Variants in LRP1B observed in about 807,000 individuals in gnomAD.
LRP1B encodes the protein low-density lipoprotein receptor-related protein 1B.
In LRP1B, 217 loss-of-function variants were observed where a neutral mutation model predicts 556.6. The ratio of observed to expected loss-of-function variants is 0.39; its 90% CI spans 0.35 to 0.44. LRP1B has a LOEUF of 0.44. Ranked by LOEUF, LRP1B falls within the 20% of genes least tolerant of loss-of-function variation. The pLI, the probability that LRP1B is intolerant of heterozygous loss-of-function variation, is 1.00. For missense variants in LRP1B, 5,053 were observed against 5,620.8 expected (o/e 0.90, Z 3.23); for synonymous variants, 2,047 against 1,865.8 (o/e 1.10, Z -2.50).
intron 9 of LRP1B, among the ~76,000 whole-genome samples, chr2:141,055,971 T>C (rs933519566): frequency 5.9e-5 from 9 of 151,290 alleles, no homozygotes; most frequent in Admixed American, 1.3e-4. Context: ...GAAAGATGGA[T>C]CAAAGTGAAA....
intron 2 of LRP1B, among the ~76,000 whole-genome samples, chr2:141,483,932 T>A (rs1683019589): frequency 6.6e-6 from 1 of 151,340 alleles, no homozygotes; most frequent in African/African-American, 2.4e-5. Context: ...ACTCTGATGG[T>A]AGTTTCTTTT....
chr2:140,523,642 A>G (rs1690283893), intron 49 of LRP1B, among the ~76,000 whole-genome samples: 1 of 151,940 alleles, frequency 6.6e-6, no homozygotes, highest in Non-Finnish European at 1.5e-5. Context: ...AGACTCTGCA[A>G]AAAAGGCCCC....
chr2:141,805,941 T>C (rs1195083593), intron 2 of LRP1B, among the ~76,000 whole-genome samples: 1 of 152,124 alleles, frequency 6.6e-6, no homozygotes, highest in East Asian at 1.9e-4. Flanking sequence ...TGAGTCATTA[T>C]GCCCAAAACA....
intron 41 of LRP1B, among the ~76,000 whole-genome samples, chr2:140,652,233 T>C (rs1008554835): frequency 1.8e-4 from 28 of 152,128 alleles, no homozygotes; most frequent in Admixed American, 1.8e-3. Context: ...TTTCAAATAT[T>C]GAATTCTTGA....
At chr2:141,308,963 A>G (rs1357319318) in intron 3 of LRP1B, among the ~76,000 whole-genome samples, 2 of 152,246 alleles carry the variant, frequency 1.3e-5, no homozygotes, top group African/African-American at 2.4e-5. Context: ...ATTTGATGAT[A>G]TCAAATAATA....
intron 6 of LRP1B, among the ~76,000 whole-genome samples, chr2:141,209,241 G>A (rs1017798586): frequency 6.6e-6 from 1 of 152,114 alleles, no homozygotes; most frequent in East Asian, 1.9e-4. Flanking sequence ...GGAGGTAGTC[G>A]AATCATGAGG....
At chr2:141,547,381 C>T (rs145687090) in intron 2 of LRP1B, among the ~76,000 whole-genome samples, 170 of 152,210 alleles carry the variant, frequency 1.1e-3, no homozygotes, top group African/African-American at 3.9e-3. Context: ...TGCGTTAATT[C>T]GTTCTTTCCA....
chr2:142,053,174 G>A (rs1312997789), intron 1 of LRP1B, among the ~76,000 whole-genome samples: 1 of 152,078 alleles, frequency 6.6e-6, no homozygotes, highest in Non-Finnish European at 1.5e-5. Flanking sequence ...ACTAATACAT[G>A]GAATTATTTT....
intron 37 of LRP1B, among the ~76,000 whole-genome samples, chr2:140,707,106 T>C (rs79408849): frequency 0.029 from 4,442 of 152,246 alleles, 77 homozygotes; most frequent in Middle Eastern, 0.054. Flanking sequence ...AATTCTCTTC[T>C]TTGATTGCTA....
intron 6 of LRP1B, among the ~76,000 whole-genome samples, chr2:141,219,583 C>T (rs1189859368): frequency 6.6e-6 from 1 of 152,178 alleles, no homozygotes; most frequent in African/African-American, 2.4e-5. Context: ...CAAGGGGCAG[C>T]CAAGCTGTTT....
chr2:140,700,827 A>C (rs187484599), intron 40 of LRP1B, among the ~76,000 whole-genome samples: 1 of 152,288 alleles, frequency 6.6e-6, no homozygotes, highest in East Asian at 1.9e-4. Context: ...TTATTTGGAA[A>C]ATCATAGTCT....
intron 20 of LRP1B, among the ~76,000 whole-genome samples, chr2:140,942,247 A>C (rs1179783888): frequency 6.6e-6 from 1 of 152,170 alleles, no homozygotes; most frequent in Non-Finnish European, 1.5e-5. Context: ...AATAAAGAAA[A>C]ATAATTAAAA....
chr2:141,522,458 A>G (rs1684560437), intron 2 of LRP1B, among the ~76,000 whole-genome samples: 1 of 152,142 alleles, frequency 6.6e-6, no homozygotes, highest in African/African-American at 2.4e-5. Context: ...TTTCCCGGAC[A>G]TTTACAAAGT....
At chr2:141,259,127 T>C (rs1195594049) in intron 3 of LRP1B, among the ~76,000 whole-genome samples, 9 of 152,160 alleles carry the variant, frequency 5.9e-5, no homozygotes, top group African/African-American at 2.2e-4. Flanking sequence ...GATTTAGAAA[T>C]AGTCAAAAAA....
intron 43 of LRP1B, among the ~76,000 whole-genome samples, chr2:140,542,419 G>T (rs191646605): frequency 1.3e-5 from 2 of 152,016 alleles, no homozygotes; most frequent in East Asian, 3.9e-4. Flanking sequence ...GAAGTTCACC[G>T]CATGAGTGAC....
rs116046283 is a variant in LRP1B at position 140,545,225 on chromosome 2, A to G, written c.7195-3254T>C. On this transcript the variant is annotated intron_variant, in intron 43 of 90. Coordinates refer to ENST00000389484, the MANE Select transcript of LRP1B (RefSeq NM_018557.3). ...TCATAGTTTGCAAAATTTTTCTTCC[A>G]TTCTGTAGGTGGTCTGTTTACCCTG... 2.2e-3 allele frequency among the ~76,000 whole-genome samples: 333 copies of G among 149,300 alleles called. 3 individuals are homozygous for G. Among genetic ancestry groups the G allele is most frequent in the Admixed American group, 4.4e-3 (66 of 14,942 alleles).
intron 2 of LRP1B, among the ~76,000 whole-genome samples, chr2:141,782,514 C>CTTTTTTTTT (rs5834867): frequency 1.3e-4 from 13 of 97,850 alleles, no homozygotes; most frequent in African/African-American, 4.4e-4. Context: ...TTCTATTTTC[C>CTTTTTTTTT]TTTTTTTTTT....
Position 141,137,900 on chromosome 2 carries a change from A to T in LRP1B, c.1013+50521T>A, listed in dbSNP as rs1574113388. 2.0e-5 allele frequency among the ~76,000 whole-genome samples: 3 copies of T among 151,662 alleles called. No homozygotes were observed. In the East Asian group the frequency reaches 5.8e-4, roughly 29 times the overall value. On this transcript the variant is annotated intron_variant, in intron 7 of 90. Transcript: ENST00000389484. Reference sequence around the variant, plus strand: ...TTATGGATTTTTTTTTTTTAATTTGAAAGGTGTAGTACCAAGGAAAGTACT... The same window carrying T: ...TTATGGATTTTTTTTTTTTAATTTGTAAGGTGTAGTACCAAGGAAAGTACT...
At chr2:140,849,775 A>T (rs1456062765) in intron 29 of LRP1B, among the ~76,000 whole-genome samples, 2 of 152,122 alleles carry the variant, frequency 1.3e-5, no homozygotes, top group South Asian at 2.1e-4. Flanking sequence ...CCTGACCTCA[A>T]GTGATCCACC....
Sources: gnomAD v4.1 joint callset for allele counts (sites outside exome capture counted in the v4.1 genomes callset) on GRCh38, gnomAD v4.1.1 for gene constraint, MANE v1.5 for transcripts, NCBI Gene and HGNC (gene_info 2026-07-23, HGNC 2026-07-21) for gene names.